Variants in SORCS1 observed in about 807,000 individuals in gnomAD.
SORCS1 encodes the protein sortilin related VPS10 domain containing receptor 1.
SORCS1 carries 60 observed loss-of-function variants against 146.1 expected under a neutral mutation model. That is an observed-to-expected ratio of 0.41 (90% CI 0.33 to 0.51). The LOEUF (loss-of-function observed/expected upper bound fraction) is 0.51, where lower values mean the gene tolerates loss of function less well. Among genes scored for constraint, SORCS1 ranks in the 20% least tolerant of loss-of-function variants. The probability of loss-of-function intolerance (pLI) is 0.21; values close to 1 mark genes in which losing one functional copy is unlikely to be tolerated. For missense variants in SORCS1, 1,352 were observed against 1,487.6 expected (o/e 0.91, Z 1.50); for synonymous variants, 637 against 584.0 (o/e 1.09, Z -1.31).
At chr10:106,980,500 G>C (rs1323654281) in intron 1 of SORCS1, among the ~76,000 whole-genome samples, 1 of 152,168 alleles carries the variant, frequency 6.6e-6, no homozygotes. Context: ...AAGTGGAGGA[G>C]AAAAAGTGCT....
chr10:107,123,542 G>C (rs1391911505), intron 1 of SORCS1, among the ~76,000 whole-genome samples: 1 of 152,146 alleles, frequency 6.6e-6, no homozygotes, highest in African/African-American at 2.4e-5. Flanking sequence ...AGTTAATGCT[G>C]CAAATATAAA....
intron 6 of SORCS1, among the ~76,000 whole-genome samples, chr10:106,715,041 T>C (rs1310102462): frequency 6.6e-6 from 1 of 152,206 alleles, no homozygotes; most frequent in Non-Finnish European, 1.5e-5. Context: ...CGTGGTAAAG[T>C]GTTCCTGGTT....
At chr10:106,860,866 A>C (rs971626543) in intron 2 of SORCS1, among the ~76,000 whole-genome samples, 1 of 152,184 alleles carries the variant, frequency 6.6e-6, no homozygotes, top group African/African-American at 2.4e-5. Context: ...AGGATCCTTA[A>C]TCCAAGCTTC....
At chr10:106,698,289 A>G (rs1237122261) in intron 9 of SORCS1, among the ~76,000 whole-genome samples, 12 of 152,218 alleles carry the variant, frequency 7.9e-5, no homozygotes, top group Admixed American at 7.2e-4. Flanking sequence ...TTAGACAAAC[A>G]ATCTCTTGAC....
At chr10:106,785,049 G>C (rs1945992106) in intron 3 of SORCS1, among the ~76,000 whole-genome samples, 1 of 152,150 alleles carries the variant, frequency 6.6e-6, no homozygotes, top group South Asian at 2.1e-4. Flanking sequence ...TCCTAATGAA[G>C]GAGTTCAGGA....
chr10:106,861,112 A>C (rs1425940924), intron 2 of SORCS1, among the ~76,000 whole-genome samples: 3 of 152,130 alleles, frequency 2.0e-5, no homozygotes, highest in Non-Finnish European at 4.4e-5. Context: ...AATATGCAAA[A>C]ATAGGCCAGG....
Position 106,574,098 on chromosome 10 carries a change from G to T in SORCS1, c.*3322C>A, listed in dbSNP as rs971192013. 3 of 151,226 alleles carry T rather than the reference G, an allele frequency of 2.0e-5. No homozygotes were observed. Among genetic ancestry groups the T allele is most frequent in the African/African-American group, 7.3e-5 (3 of 40,958 alleles). 9.4% of individuals were successfully genotyped at this position (151,226 alleles called of 1,614,324 possible). A position where few individuals can be genotyped will look rare whatever the true frequency, so the allele number is the denominator to read the frequency against. ...TATAAAAATAAGTCGGCAAATGAGA[G>T]ATTTCAATGCTCAGTTGGATTCCTG... is the stretch of plus-strand genomic sequence containing the variant. On this transcript the variant is annotated 3_prime_UTR_variant, in exon 26 of 26. Transcript: ENST00000263054.
chr10:106,737,036 A>AGTGTGT lies in SORCS1; in HGVS notation c.960-6928_960-6923dup, dbSNP rs1301020744. Among the ~76,000 whole-genome samples, 519 of 146,394 alleles carry AGTGTGT rather than the reference A, an allele frequency of 3.5e-3. 7 individuals carry two copies. Among genetic ancestry groups the AGTGTGT allele is most frequent in the African/African-American group, 0.013 (507 of 39,934 alleles). ...TTTATTTCTATGATGTCTGCAGCAA[A>AGTGTGT]GTGTGTGTGTGTGTGTGCATGTGAG... On this transcript the variant is annotated intron_variant, in intron 5 of 25. Transcript: ENST00000263054.
At chr10:107,002,026 G>T (rs538962971) in intron 1 of SORCS1, among the ~76,000 whole-genome samples, 84 of 152,220 alleles carry the variant, frequency 5.5e-4, no homozygotes, top group African/African-American at 1.9e-3. Context: ...AAATATCCAA[G>T]AATACATAAA....
chr10:106,930,829 TCC>T (rs1953381293), intron 2 of SORCS1, among the ~76,000 whole-genome samples: 6 of 152,150 alleles, frequency 3.9e-5, no homozygotes, highest in African/African-American at 1.4e-4. Context: ...CCCCACTAAC[TCC>T]TTCTGAAACC....
At chr10:106,653,991 C>T (rs568736231) in intron 17 of SORCS1, among the ~76,000 whole-genome samples, 2 of 152,284 alleles carry the variant, frequency 1.3e-5, no homozygotes, top group African/African-American at 4.8e-5. Context: ...ACTCTTTCTC[C>T]CTCATAAGCC....
intron 1 of SORCS1, among the ~76,000 whole-genome samples, chr10:107,047,631 C>T (rs905560484): frequency 1.3e-5 from 2 of 152,216 alleles, no homozygotes; most frequent in African/African-American, 4.8e-5. Flanking sequence ...TACAGGCTAA[C>T]TCCACACTCT....
chr10:106,716,986 C>T (rs1401330880), intron 6 of SORCS1, among the ~76,000 whole-genome samples: 3 of 152,180 alleles, frequency 2.0e-5, no homozygotes, highest in Non-Finnish European at 4.4e-5. Context: ...CTCTGGGACT[C>T]TATCCATCCA....
chr10:106,854,854 C>T lies in SORCS1; in HGVS notation c.627-25181G>A, dbSNP rs111499460. Among the ~76,000 whole-genome samples the T allele has an allele frequency of 6.7e-3, 1,015 of 152,152 alleles. 10 individuals are homozygous for T. The highest frequency in any genetic ancestry group is 0.019 in the African/African-American group (772 of 41,524). On this transcript the variant is annotated intron_variant, in intron 2 of 25. Coordinates refer to ENST00000263054, the MANE Select transcript of SORCS1 (RefSeq NM_052918.5). The stretch of plus-strand genomic sequence containing the variant: ...GTGTGTATATATATACATGAGCATA[C>T]GTAATTGAATACATTGTTGCTATTA...
At chr10:107,013,663 T>G (rs2139764072) in intron 1 of SORCS1, among the ~76,000 whole-genome samples, 1 of 152,224 alleles carries the variant, frequency 6.6e-6, no homozygotes, top group East Asian at 1.9e-4. Flanking sequence ...CACCTCAGCT[T>G]GTAGGCTACC....
chr10:106,948,796 A>G (rs1196275950), intron 2 of SORCS1, among the ~76,000 whole-genome samples: 1 of 152,032 alleles, frequency 6.6e-6, no homozygotes, highest in East Asian at 1.9e-4. Flanking sequence ...CGTCTCTACT[A>G]AAAATACAAA....
intron 2 of SORCS1, among the ~76,000 whole-genome samples, chr10:106,848,842 T>C (rs1430742952): frequency 1.4e-5 from 2 of 144,756 alleles, no homozygotes; most frequent in East Asian, 4.1e-4. Context: ...CCTTCACTTA[T>C]GAAGCTTAGT....
chr10:106,946,580 C>T (rs1954357187), intron 2 of SORCS1, among the ~76,000 whole-genome samples: 1 of 152,240 alleles, frequency 6.6e-6, no homozygotes, highest in African/African-American at 2.4e-5. Context: ...GACTGTGGGG[C>T]CTCCCCAGCA....
chr10:106,873,087 T>C (rs997528145), intron 2 of SORCS1, among the ~76,000 whole-genome samples: 4 of 152,008 alleles, frequency 2.6e-5, no homozygotes, highest in African/African-American at 9.7e-5. Flanking sequence ...GGCAGGAGAA[T>C]CACTTGAACC....
Sources: gnomAD v4.1 joint callset for allele counts (sites outside exome capture counted in the v4.1 genomes callset) on GRCh38, gnomAD v4.1.1 for gene constraint, MANE v1.5 for transcripts, NCBI Gene and HGNC (gene_info 2026-07-23, HGNC 2026-07-21) for gene names.